RADIL: variants seen among roughly 807,000 people sequenced by gnomAD.
RADIL encodes ras-associating and dilute domain-containing protein.
RADIL carries 99 observed loss-of-function variants against 97.6 expected under a neutral mutation model. The observed-to-expected ratio is 1.01, with a 90% CI of 0.86 to 1.20. RADIL has a LOEUF of 1.20. Among genes scored for constraint, RADIL ranks in the 50% most tolerant of loss-of-function variants. The probability of loss-of-function intolerance (pLI) is 0.00; values close to 1 mark genes in which losing one functional copy is unlikely to be tolerated. For missense variants in RADIL, 1,765 were observed against 1,498.9 expected, an observed-to-expected ratio of 1.18 and a Z score of -2.93; for synonymous variants, 803 against 691.8, an observed-to-expected ratio of 1.16 and a Z score of -2.52.
At chr7:4,843,389 AAC>A (rs968648025) in intron 2 of RADIL, among the ~76,000 whole-genome samples, 1 of 152,136 alleles carries the variant, frequency 6.6e-6, no homozygotes, top group Non-Finnish European at 1.5e-5. Flanking sequence ...ACTGCTGCAA[AAC>A]ACAGAGGTCA....
In RADIL at chr7:4,813,301, G is replaced by C. The variant is rs1318407038; in HGVS notation, c.2139+1977C>G. On this transcript the variant is annotated intron_variant, in intron 9 of 14. Coordinates refer to ENST00000399583, the MANE Select transcript of RADIL (RefSeq NM_018059.5). This position sits in a 1 kb window ranked among gnomAD's most constrained non-coding sequence, Gnocchi z 5.0. ...CTCTCACCCCAGTGTTTCCACTGGG[G>C]GCCTGGTGTTTACTTCCCAAGGGGT... 1.3e-5 allele frequency among the ~76,000 whole-genome samples: 2 copies of C among 151,976 alleles called. No individual in the cohort carries two copies. The highest frequency in any genetic ancestry group is 4.8e-5 in the African/African-American group (2 of 41,356).
intron 2 of RADIL, among the ~76,000 whole-genome samples, 164 bp downstream of exon 2, chr7:4,877,441 C>G (rs958923459): frequency 4.6e-5 from 7 of 152,222 alleles, no homozygotes; most frequent in Admixed American, 2.0e-4. Flanking sequence ...TCTCAGAGAA[C>G]AAAAGAGGAA....
At position 4,815,057 on chromosome 7, in the gene RADIL, A is replaced by C. The variant is rs1446129337; in HGVS notation, c.2139+221T>G. 6.6e-6 allele frequency among the ~76,000 whole-genome samples: 1 copy of C among 152,168 alleles called. No individual in the cohort carries two copies. The highest frequency in any genetic ancestry group is 1.5e-5 in the Non-Finnish European group (1 of 68,030). ...ATGTGGGGTAATACGGTCACAGGGT[A>C]AGACGGTCACGGGTCTCAGACATCT... is the stretch of plus-strand genomic sequence containing the variant. On this transcript the variant is annotated intron_variant, in intron 9 of 14. Transcript: ENST00000399583. The surrounding 1 kb of genome is among the most constrained non-coding windows in gnomAD (Gnocchi z 8.0).
In RADIL at chr7:4,837,781, G is replaced by A. The variant is rs957568373; in HGVS notation, c.536-1176C>T. 16 of 933,192 alleles carry A rather than the reference G, an allele frequency of 1.7e-5. No individual in the cohort carries two copies. Among genetic ancestry groups the A allele is most frequent in the Non-Finnish European group, 1.9e-5 (15 of 782,588 alleles). 57.8% of individuals were successfully genotyped at this position (933,192 alleles called of 1,614,324 possible). On this transcript the variant is annotated intron_variant, in intron 2 of 14. Transcript: ENST00000399583. The surrounding 1 kb of genome is among the most constrained non-coding windows in gnomAD (Gnocchi z 5.6). Reference sequence around the variant, plus strand: ...ATAAATACAGACACGCTCTCTAAATGCATGCTCTGGGAAAGCCAGCCGGCT... The same window carrying A: ...ATAAATACAGACACGCTCTCTAAATACATGCTCTGGGAAAGCCAGCCGGCT...
chr7:4,835,983 C>T lies in RADIL; in HGVS notation c.783+375G>A, dbSNP rs1290213413. Among the ~76,000 whole-genome samples, 1 of 152,212 alleles carries T rather than the reference C, an allele frequency of 6.6e-6. No individual in the cohort carries two copies. The highest frequency in any genetic ancestry group is 1.5e-5 in the Non-Finnish European group (1 of 68,024). On this transcript the variant is annotated intron_variant, in intron 3 of 14. Coordinates refer to ENST00000399583, the MANE Select transcript of RADIL (RefSeq NM_018059.5). The surrounding 1 kb of genome is among the most constrained non-coding windows in gnomAD (Gnocchi z 5.8). The stretch of plus-strand genomic sequence containing the variant: ...TGGCCACCAATTGGTGACTCAGCAG[C>T]CCCCTCGCCAGAAGCAGGAAGCAGA...
At chr7:4,856,201 G>A (rs534081596) in intron 2 of RADIL, among the ~76,000 whole-genome samples, 32 of 152,068 alleles carry the variant, frequency 2.1e-4, no homozygotes, top group African/African-American at 6.3e-4. Flanking sequence ...GGGTTCAAGC[G>A]ATTCTCCTGC....
intron 9 of RADIL, chr7:4,808,745 C>G (rs1344286310): frequency 4.1e-6 from 4 of 971,238 alleles, no homozygotes; most frequent in Non-Finnish European, 4.9e-6. Flanking sequence ...TCCGCGTCTC[C>G]TTCCAACGCC....
Position 4,862,613 on chromosome 7 carries a change from T to C in RADIL, c.535+14992A>G, listed in dbSNP as rs1010966471. Among the ~76,000 whole-genome samples, 13 of 152,286 alleles carry C rather than the reference T, an allele frequency of 8.5e-5. No individual in the cohort carries two copies. In the East Asian group the frequency reaches 2.5e-3, roughly 29 times the overall value. On this transcript the variant is annotated intron_variant, in intron 2 of 14. Transcript: ENST00000399583. ...GGCATAGATTTCTCTTTAATAATCT[T>C]ACCCAGGCTGGGCGCAGTGGCTCAC...
At position 4,801,886 on chromosome 7, in the gene RADIL, G is replaced by C. The variant is rs1214602272; in HGVS notation, c.2609C>G (p.Pro870Arg). 3 of 1,586,948 alleles carry C rather than the reference G, an allele frequency of 1.9e-6. No homozygotes were observed. Among genetic ancestry groups the C allele is most frequent in the Non-Finnish European group, 2.6e-6 (3 of 1,166,866 alleles). ...CTGTGCCCAGGGAGCCCCCCTCAAG[G>C]GAAGAGTACGCTCCGGGGCCACTTC... The part of the protein sequence containing the change: ...AREVAPERTL[P>R]LRGAPWAQAP... The change falls in exon 12 of 15, where the codon CCC becomes CGC. Residue 870 changes from proline to arginine, a missense_variant. Physicochemically the swap from Pro to Arg is moderately radical, Grantham distance 103 (BLOSUM62 -2). Coordinates refer to ENST00000399583, the MANE Select transcript of RADIL (RefSeq NM_018059.5).
At chr7:4,871,635 A>T (rs1178757369) in intron 2 of RADIL, among the ~76,000 whole-genome samples, 1 of 152,200 alleles carries the variant, frequency 6.6e-6, no homozygotes, top group Non-Finnish European at 1.5e-5. Context: ...CGCTCAAGCC[A>T]CATCCACACT....
chr7:4,820,651 C>A (rs781085971), intron 6 of RADIL, among the ~76,000 whole-genome samples: 14 of 152,226 alleles, frequency 9.2e-5, no homozygotes, highest in Admixed American at 5.9e-4. Flanking sequence ...GGAACCGTGG[C>A]CGGCAGGAAG....
rs1037735588 is a variant in RADIL, at chr7:4,873,635, G to A, written c.535+3970C>T. ...GAAACTACACCACCCACTTCAGTAG[G>A]ATTTGTTTCACTGCAGCCCCCCACC... On this transcript the variant is annotated intron_variant, in intron 2 of 14. Coordinates refer to ENST00000399583, the MANE Select transcript of RADIL (RefSeq NM_018059.5). This position sits in a 1 kb window ranked among gnomAD's most constrained non-coding sequence, Gnocchi z 4.3. Among the ~76,000 whole-genome samples the A allele has an allele frequency of 1.3e-5, 2 of 152,190 alleles. No homozygotes were observed. Among genetic ancestry groups the A allele is most frequent in the East Asian group, 1.9e-4 (1 of 5,202 alleles).
chr7:4,831,869 A>AGAGCAAACAAAACAAAACAAAACAAAAAC (rs1292808680), intron 5 of RADIL, among the ~76,000 whole-genome samples: 1 of 150,778 alleles, frequency 6.6e-6, no homozygotes, highest in East Asian at 2.0e-4. Context: ...GCCTGGCGAT[A>AGAGCAAACAAAACAAAACAAAACAAAAAC]GAGCAAACAA....
chr7:4,801,013 C>A (rs117420005), intron 12 of RADIL, among the ~76,000 whole-genome samples: 3,685 of 152,354 alleles, frequency 0.024, 68 homozygotes, highest in Middle Eastern at 0.031. Context: ...GCCAGCTGCG[C>A]ACACACACTC....
Position 4,815,446 on chromosome 7 carries a change from G to A in RADIL, c.1971C>T (p.Pro657=), listed in dbSNP as rs192442161. 47 of 1,514,576 alleles carry A rather than the reference G, an allele frequency of 3.1e-5. 1 individual carries two copies. The Middle Eastern group carries it at 5.5e-4, about 18-fold the overall frequency. The allele number at this position is 1,514,576 out of a possible 1,614,324, so 93.8% of individuals were successfully genotyped here. Residue 657 remains proline (P), a synonymous_variant, in exon 9 of 15, where the codon CCC becomes CCT. Transcript: ENST00000399583. This position sits in a 1 kb window ranked among gnomAD's most constrained non-coding sequence, Gnocchi z 8.0. ...LLLNQLLDRG[P]SLSCFHWPRG... ...TGGGCCAGTGGAAGCAGCTCAGGGA[G>A]GGGCCTGTGGAGGGAAGAAGGGAGG...
intron 2 of RADIL, among the ~76,000 whole-genome samples, chr7:4,846,021 T>C (rs899330476): frequency 1.3e-5 from 2 of 152,142 alleles, no homozygotes; most frequent in African/African-American, 4.8e-5. Context: ...GCGTCCAGCA[T>C]GGCGCTGGGC....
chr7:4,871,797 G>A (rs906529403), intron 2 of RADIL, among the ~76,000 whole-genome samples: 8 of 152,186 alleles, frequency 5.3e-5, no homozygotes, highest in African/African-American at 1.9e-4. Context: ...TATTTAATAA[G>A]CACCTACTGT....
At chr7:4,827,490 T>A (rs1251730064) in intron 5 of RADIL, among the ~76,000 whole-genome samples, 1 of 147,866 alleles carries the variant, frequency 6.8e-6, no homozygotes, top group Middle Eastern at 3.2e-3. Flanking sequence ...TGAAACCCCG[T>A]CTCTACTAAA....
rs540946920 is a variant in RADIL at position 4,834,244 on chromosome 7, G to T, written c.1416+363C>A. Among the ~76,000 whole-genome samples, 2 of 152,260 alleles carry T rather than the reference G, an allele frequency of 1.3e-5. No homozygotes were observed. Among genetic ancestry groups the T allele is most frequent in the South Asian group, 4.1e-4 (2 of 4,826 alleles). On this transcript the variant is annotated intron_variant, in intron 4 of 14. Coordinates refer to ENST00000399583, the MANE Select transcript of RADIL (RefSeq NM_018059.5). This position sits in a 1 kb window ranked among gnomAD's most constrained non-coding sequence, Gnocchi z 6.0. Reference sequence around the variant, plus strand: ...GCAGGGGCCTGTGAGAGCTATCAATGTCACCTCGGCCTCGTGGTGCCCAGG... The same window carrying T: ...GCAGGGGCCTGTGAGAGCTATCAATTTCACCTCGGCCTCGTGGTGCCCAGG...
Sources: allele counts gnomAD v4.1 joint callset (sites outside exome capture counted in the v4.1 genomes callset), GRCh38; gene constraint gnomAD v4.1.1; non-coding constraint Gnocchi (gnomAD v3.1); transcripts MANE v1.5; gene names NCBI Gene and HGNC (gene_info 2026-07-23, HGNC 2026-07-21).